The following SCARF2 variants were observed in gnomAD, a reference collection of about 807,000 sequenced individuals.
SCARF2 encodes the protein scavenger receptor class F member 2.
Under a neutral mutation model 73.4 loss-of-function variants are expected in SCARF2, and 39 were observed. That is an observed-to-expected ratio of 0.53 (90% CI 0.41 to 0.69). SCARF2 has a LOEUF of 0.69. SCARF2 is among the 30% of genes least tolerant of loss of function. The pLI, the probability that SCARF2 is intolerant of heterozygous loss-of-function variation, is 0.00. For missense variants in SCARF2, 1,148 were observed against 1,303.5 expected, an observed-to-expected ratio of 0.88 and a Z score of 1.84; for synonymous variants, 605 against 590.0, an observed-to-expected ratio of 1.03 and a Z score of -0.37.
In SCARF2 at chr22:20,437,678, G is replaced by A; in HGVS notation, c.77C>T (p.Pro26Leu). Residue 26 changes from proline to leucine, a missense_variant, in exon 1 of 11, where the codon CCG (proline) becomes CTG (leucine). Pro to Leu is a moderately conservative substitution (Grantham distance 98). This residue lies in a region of SCARF2 where 124 missense variants were observed against 120.4 expected (regional missense o/e 1.03). Transcript: ENST00000622235. ...GAGCAGCAGCAGCAGCAGCAGCGAC[G>A]GCAGCAGCGGTGACGGCGGCCCCCC... ...GAGGPPSPLL[P>L]SLLLLLLLWM... The A allele has an allele frequency of 1.3e-6, 2 of 1,490,564 alleles. No homozygotes were observed. Among genetic ancestry groups the A allele is most frequent in the South Asian group, 1.3e-5 (1 of 79,398 alleles). 92.3% of individuals were successfully genotyped at this position (1,490,564 alleles called of 1,614,324 possible).
At position 20,425,418 on chromosome 22, in the gene SCARF2, T is replaced by C. The variant is rs371459064; in HGVS notation, c.2558A>G (p.Glu853Gly). The change falls in exon 11 of 11, where the codon GAG (glutamate) becomes GGG (glycine). Residue 853 changes from glutamate to glycine, a missense_variant. Transcript: ENST00000622235. The surrounding 1 kb of genome is among the most constrained non-coding windows in gnomAD (Gnocchi z 4.6). ...CGCCCTGCCCAGCTCGCCCGCCGCC[T>C]CCCGGCTCTTCTTGCGCGGCGGCTT... ...IQKPPRKKSR[E>G]AAGELGRAGA... 149 of 1,430,542 alleles carry C rather than the reference T, an allele frequency of 1.0e-4. 1 individual carries two copies. In the Middle Eastern group the frequency reaches 1.3e-3, roughly 13 times the overall value. The allele number at this position is 1,430,542 out of a possible 1,614,324, so 88.6% of individuals were successfully genotyped here. A position where few individuals can be genotyped will look rare whatever the true frequency, so the allele number is the denominator to read the frequency against.
Position 20,429,427 on chromosome 22 carries a change from G to T in SCARF2, c.1425-87C>A. 1.3e-6 allele frequency: 2 copies of T among 1,559,630 alleles called. No individual in the cohort carries two copies. Among genetic ancestry groups the T allele is most frequent in the East Asian group, 2.4e-5 (1 of 41,958 alleles). The stretch of plus-strand genomic sequence containing the variant: ...CTCGGCCGGAGCCAAGCACAGAAGG[G>T]GCGGGGCCACGTCCGGGGCAGGGGC... On this transcript the variant is annotated intron_variant, in intron 8 of 10. Coordinates refer to ENST00000622235, the MANE Select transcript of SCARF2 (RefSeq NM_182895.5). The surrounding 1 kb of genome is among the most constrained non-coding windows in gnomAD (Gnocchi z 5.2).
intron 1 of SCARF2, among the ~76,000 whole-genome samples, chr22:20,436,979 A>G (rs952606544): frequency 1.3e-5 from 2 of 151,916 alleles, no homozygotes; most frequent in Non-Finnish European, 2.9e-5. Flanking sequence ...GGGTTCCCAC[A>G]TCCTCCGGTC....
Position 20,431,417 on chromosome 22 carries a change from C to A in SCARF2, c.455G>T (p.Cys152Phe), listed in dbSNP as rs755971938. 1 of 1,540,530 alleles carries A rather than the reference C, an allele frequency of 6.5e-7. No individual in the cohort carries two copies. Among genetic ancestry groups the A allele is most frequent in the Non-Finnish European group, 8.7e-7 (1 of 1,149,948 alleles). The change falls in exon 4 of 11, where the codon TGC (cysteine) becomes TTC (phenylalanine). Residue 152 changes from cysteine (C) to phenylalanine (F), a missense_variant. This residue lies in a region of SCARF2 where 372 missense variants were observed against 532.0 expected (regional missense o/e 0.70). Coordinates refer to ENST00000622235, the MANE Select transcript of SCARF2 (RefSeq NM_182895.5). Reference sequence around the variant, plus strand: ...GTGCTGGCACTGGCACGCATGCTCGCAGCGCGCGCCCCAGCGCCGCGCGTG... The same window carrying A: ...GTGCTGGCACTGGCACGCATGCTCGAAGCGCGCGCCCCAGCGCCGCGCGTG... The part of the protein sequence containing the change: ...TCHARRWGAR[C>F]EHACQCQHGT...
intron 1 of SCARF2, among the ~76,000 whole-genome samples, chr22:20,432,756 GC>G: frequency 6.6e-6 from 1 of 152,338 alleles, no homozygotes; most frequent in South Asian, 2.1e-4. Flanking sequence ...TCGCTCTGTT[GC>G]CCAGGCTGGA....
rs2052567996 is a variant in SCARF2 at position 20,425,748 on chromosome 22, G to T, written c.2228C>A (p.Ala743Glu). ...LAAPSPPRAR[A>E]RGRGPGLLEP... ...CAAGAGGCCGGGGCCGCGGCCCCGCGCTCGGGCCCTGGGCGGCGAGGGCGC... is the reference window on the plus strand; with the variant it reads ...CAAGAGGCCGGGGCCGCGGCCCCGCTCTCGGGCCCTGGGCGGCGAGGGCGC... Residue 743 changes from alanine to glutamate, a missense_variant, in exon 11 of 11, where the codon GCG (alanine) becomes GAG (glutamate). Ala to Glu is a moderately radical substitution (Grantham distance 107). Coordinates refer to ENST00000622235, the MANE Select transcript of SCARF2 (RefSeq NM_182895.5). The surrounding 1 kb of genome is among the most constrained non-coding windows in gnomAD (Gnocchi z 4.6). The T allele has an allele frequency of 8.1e-7, 1 of 1,238,642 alleles. No individual in the cohort carries two copies. The highest frequency in any genetic ancestry group is 1.0e-6 in the Non-Finnish European group (1 of 995,252). The allele number at this position is 1,238,642 out of a possible 1,614,324, so 76.7% of individuals were successfully genotyped here.
At position 20,431,043 on chromosome 22, in the gene SCARF2, A is replaced by G; in HGVS notation, c.829T>C (p.Phe277Leu). The change falls in exon 4 of 11, where the codon TTC becomes CTC. Residue 277 changes from phenylalanine to leucine, a missense_variant. By Grantham distance (22) the Phe-to-Leu change is conservative. Around this residue, in one of 5 missense-constraint regions of SCARF2, gnomAD observed 372 missense variants for 532.0 expected, o/e 0.70. Transcript: ENST00000622235. Reference protein sequence around the residue: ...KYCREPCPAGFYGLGCRRRCG... With the variant: ...KYCREPCPAGLYGLGCRRRCG... ...CGGCGGCGACAGCCCAAGCCGTAGA[A>G]GCCGGCGGGGCACGGCTCGCGACAG... is the stretch of plus-strand genomic sequence containing the variant. 6.3e-7 allele frequency: 1 copy of G among 1,575,072 alleles called. No homozygotes were observed. The highest frequency in any genetic ancestry group is 8.6e-7 in the Non-Finnish European group (1 of 1,168,680).
chr22:20,432,785 C>A (rs2052662721), intron 1 of SCARF2, among the ~76,000 whole-genome samples: 1 of 152,216 alleles, frequency 6.6e-6, no homozygotes, highest in Admixed American at 6.5e-5. Flanking sequence ...GGCACGATCT[C>A]GGCTCACTGC....
chr22:20,427,311 CCTT>C, intron 10 of SCARF2, 84 bp downstream of exon 10: 1 of 1,522,554 alleles, frequency 6.6e-7, no homozygotes, highest in Non-Finnish European at 9.0e-7. Flanking sequence ...TGCTGCCTGC[CCTT>C]CTCCTGTGTC....
Position 20,426,126 on chromosome 22 carries a change from C to G in SCARF2, c.1850G>C (p.Gly617Ala). Reference protein sequence around the residue: ...DSERSASSVEGPGGALYARVA... With the variant: ...DSERSASSVEAPGGALYARVA... The stretch of plus-strand genomic sequence containing the variant: ...GCGCGCGTACAGAGCCCCTCCGGGC[C>G]CCTCCACGCTGGACGCCGACCGCTC... The change falls in exon 11 of 11, where the codon GGG (glycine) becomes GCG (alanine). Residue 617 changes from glycine to alanine, a missense_variant. This residue lies in a region of SCARF2 where 437 missense variants were observed against 433.6 expected (regional missense o/e 1.01). Transcript: ENST00000622235. The G allele has an allele frequency of 6.8e-7, 1 of 1,468,464 alleles. No homozygotes were observed. The highest frequency in any genetic ancestry group is 8.9e-7 in the Non-Finnish European group (1 of 1,118,174). 91.0% of individuals were successfully genotyped at this position (1,468,464 alleles called of 1,614,324 possible). A position where few individuals can be genotyped will look rare whatever the true frequency, so the allele number is the denominator to read the frequency against.
intron 6 of SCARF2, among the ~76,000 whole-genome samples, chr22:20,430,108 C>T (rs551113874): frequency 5.3e-5 from 8 of 152,292 alleles, no homozygotes; most frequent in East Asian, 1.9e-4. Flanking sequence ...GGGGCTGACT[C>T]GGCTAGGTGG....
chr22:20,425,340 G>C lies in SCARF2; in HGVS notation c.*35C>G, dbSNP rs759621567. On this transcript the variant is annotated 3_prime_UTR_variant, in exon 11 of 11. Transcript: ENST00000622235. This position sits in a 1 kb window ranked among gnomAD's most constrained non-coding sequence, Gnocchi z 4.6. ...GTGGGGTGGCGGGCGGCGCTGCGAA[G>C]CTGAGGGAGCTGCGCGCGGACGAGC... 33 of 1,357,452 alleles carry C rather than the reference G, an allele frequency of 2.4e-5. No homozygotes were observed. The highest frequency in any genetic ancestry group is 3.0e-5 in the Non-Finnish European group (31 of 1,048,522). 84.1% of individuals were successfully genotyped at this position (1,357,452 alleles called of 1,614,324 possible).
Position 20,431,335 on chromosome 22 carries a change from C to T in SCARF2, c.537G>A (p.Ala179=). 6.6e-7 allele frequency: 1 copy of T among 1,505,144 alleles called. No homozygotes were observed. Among genetic ancestry groups the T allele is most frequent in the South Asian group, 1.2e-5 (1 of 80,746 alleles). The allele number at this position is 1,505,144 out of a possible 1,614,324, so 93.2% of individuals were successfully genotyped here. ...TGCAGTAGCACGCGCTGGCGCACTG[C>T]GCGCCCCACCAGCCGGGCTCACAGC... is the stretch of plus-strand genomic sequence containing the variant. ...ACRCEPGWWG[A]QCASACYCSA... The change falls in exon 4 of 11, where the codon GCG becomes GCA. Residue 179 remains alanine (A), a synonymous_variant. Transcript: ENST00000622235.
intron 1 of SCARF2, 117 bp from the exon 2 acceptor site, chr22:20,432,105 A>AG (rs932741252): frequency 3.0e-5 from 32 of 1,068,268 alleles, no homozygotes; most frequent in East Asian, 5.2e-5. Flanking sequence ...CTCCTGTCCT[A>AG]GGGGGGTGGT....
In SCARF2 at chr22:20,427,545, G is replaced by A; in HGVS notation, c.1546C>T (p.His516Tyr). 1 of 1,613,062 alleles carries A rather than the reference G, an allele frequency of 6.2e-7. No individual in the cohort carries two copies. Among genetic ancestry groups the A allele is most frequent in the Non-Finnish European group, 8.5e-7 (1 of 1,179,960 alleles). Reference sequence around the variant, plus strand: ...TTGAGTGTGTTATCCAGGTCGTGGTGGGCCACTGGGGAAGGATGAGGCAGA... The same window carrying A: ...TTGAGTGTGTTATCCAGGTCGTGGTAGGCCACTGGGGAAGGATGAGGCAGA... ...RQKLPKVVVAHHDLDNTLNCS... is the reference protein window; with the variant it reads ...RQKLPKVVVAYHDLDNTLNCS... Residue 516 changes from histidine (H) to tyrosine (Y), a missense_variant, in exon 10 of 11, where the codon CAC (histidine) becomes TAC (tyrosine). Coordinates refer to ENST00000622235, the MANE Select transcript of SCARF2 (RefSeq NM_182895.5).
At chr22:20,433,775 C>A (rs2052671149) in intron 1 of SCARF2, among the ~76,000 whole-genome samples, 1 of 152,266 alleles carries the variant, frequency 6.6e-6, no homozygotes, top group Non-Finnish European at 1.5e-5. Flanking sequence ...CCCACCCAGC[C>A]CTGACCCAGG....
Position 20,431,818 on chromosome 22 carries a change from T to C in SCARF2, c.261A>G (p.Ser87=). 1 of 1,599,276 alleles carries C rather than the reference T, an allele frequency of 6.3e-7. No homozygotes were observed. Among genetic ancestry groups the C allele is most frequent in the Non-Finnish European group, 8.5e-7 (1 of 1,174,140 alleles). Residue 87 remains serine, a synonymous_variant, in exon 3 of 11, where the codon TCA becomes TCG. Transcript: ENST00000622235. The part of the protein sequence containing the change: ...IAVCEGNSTC[S]ENEVCVRPGE... The stretch of plus-strand genomic sequence containing the variant: ...CAGGCCTCACGCACACCTCGTTCTC[T>C]GAGCACGTGGAGTTGCCTTCGCACA...
chr22:20,431,348 C>G lies in SCARF2; in HGVS notation c.524G>C (p.Gly175Ala). The G allele has an allele frequency of 6.6e-7, 1 of 1,511,728 alleles. No individual in the cohort carries two copies. Among genetic ancestry groups the G allele is most frequent in the Non-Finnish European group, 8.8e-7 (1 of 1,137,572 alleles). 93.6% of individuals were successfully genotyped at this position (1,511,728 alleles called of 1,614,324 possible). The change falls in exon 4 of 11, where the codon GGC (glycine) becomes GCC (alanine). Residue 175 changes from glycine (G) to alanine (A), a missense_variant. Gly to Ala is a moderately conservative substitution (Grantham distance 60, BLOSUM62 0). This residue lies in a region of SCARF2 where 372 missense variants were observed against 532.0 expected (regional missense o/e 0.70). Coordinates refer to ENST00000622235, the MANE Select transcript of SCARF2 (RefSeq NM_182895.5). ...GCTGGCGCACTGCGCGCCCCACCAG[C>G]CGGGCTCACAGCGGCACGCGCCGCT... Reference protein sequence around the residue: ...PRSGACRCEPGWWGAQCASAC... With the variant: ...PRSGACRCEPAWWGAQCASAC...
chr22:20,426,939 AG>A (rs985025089), intron 10 of SCARF2, among the ~76,000 whole-genome samples: 70 of 100,402 alleles, frequency 7.0e-4, no homozygotes, highest in Admixed American at 2.4e-3. Flanking sequence ...AAAAAAAAAA[AG>A]AGCGATAAGG....
Sources: gnomAD v4.1 joint callset for allele counts (sites outside exome capture counted in the v4.1 genomes callset) on GRCh38, gnomAD v4.1.1 for gene constraint, gnomAD v4.1.1 regional missense constraint, Gnocchi (gnomAD v3.1) non-coding constraint, MANE v1.5 for transcripts, NCBI Gene and HGNC (gene_info 2026-07-23, HGNC 2026-07-21) for gene names.